Variants in ISM1 observed in about 807,000 individuals in gnomAD.
ISM1 encodes the protein isthmin 1, also known as isthmin-1.
A neutral mutation model predicts 46.3 loss-of-function variants in ISM1; 25 were observed. The ratio of observed to expected loss-of-function variants is 0.54; its 90% CI spans 0.39 to 0.75. ISM1 has a LOEUF of 0.75. ISM1 is among the 30% of genes least tolerant of loss of function. The pLI, the probability that ISM1 is intolerant of heterozygous loss-of-function variation, is 0.00. For synonymous variants in ISM1, 255 were observed against 256.7 expected (o/e 0.99, Z 0.06); for missense variants, 536 against 625.4 (o/e 0.86, Z 1.52).
In ISM1 at chr20:13,260,205, A is replaced by T. The variant is rs372926117; in HGVS notation, c.139-10299A>T. ...GAGCTTTCTCTTCACCTCTGGCCAT[A>T]TGTGGCCTATGACAGCTCTATAATT... On this transcript the variant is annotated intron_variant, in intron 1 of 5. Transcript: ENST00000262487. Among the ~76,000 whole-genome samples the T allele has an allele frequency of 2.2e-4, 33 of 152,334 alleles. 2 individuals are homozygous for T. The highest frequency in any genetic ancestry group is 7.2e-4 in the African/African-American group (30 of 41,580).
chr20:13,243,972 C>T (rs958267936), intron 1 of ISM1: 3 of 152,296 alleles, frequency 2.0e-5, no homozygotes, highest in Admixed American at 6.5e-5. Context: ...GACCTCAATG[C>T]TCATGGTATT....
intron 1 of ISM1, among the ~76,000 whole-genome samples, chr20:13,267,775 A>G (rs1471886192): frequency 6.6e-6 from 1 of 152,234 alleles, no homozygotes; most frequent in Non-Finnish European, 1.5e-5. Context: ...TAGTAGGAAG[A>G]GTACTCCATT....
chr20:13,292,500 T>A, intron 5 of ISM1, 37 bp downstream of exon 5: 2 of 1,296,472 alleles, frequency 1.5e-6, no homozygotes, highest in Non-Finnish European at 2.2e-6. Context: ...AATATTGACT[T>A]AGTGCCTCGG....
intron 1 of ISM1, among the ~76,000 whole-genome samples, chr20:13,251,255 AC>A (rs1003724806): frequency 4.6e-5 from 7 of 151,454 alleles, no homozygotes; most frequent in Admixed American, 2.0e-4. Flanking sequence ...ATTCCATCTC[AC>A]CCCCCTTCCA....
At chr20:13,264,719 T>C (rs1304602171) in intron 1 of ISM1, among the ~76,000 whole-genome samples, 1 of 152,190 alleles carries the variant, frequency 6.6e-6, no homozygotes, top group Non-Finnish European at 1.5e-5. Flanking sequence ...GATTGGACAT[T>C]CTTGGTGTTG....
At chr20:13,222,486 C>T (rs1350863228) in intron 1 of ISM1, among the ~76,000 whole-genome samples, 1 of 152,062 alleles carries the variant, frequency 6.6e-6, no homozygotes, top group Non-Finnish European at 1.5e-5. Context: ...GGGAGCCTCG[C>T]CTGAGGTTCC....
In ISM1 at chr20:13,268,022, C is replaced by T. The variant is rs147761843; in HGVS notation, c.139-2482C>T. ...AGGGTTGGAGATTAAGGGAAAAAAG[C>T]AAGGGAACAAATGCATTCAGCTATC... On this transcript the variant is annotated intron_variant, in intron 1 of 5. Transcript: ENST00000262487. Among the ~76,000 whole-genome samples, 46 of 152,304 alleles carry T rather than the reference C, an allele frequency of 3.0e-4. No homozygotes were observed. The East Asian group carries it at 8.9e-3, about 29-fold the overall frequency.
At chr20:13,269,967 A>G (rs5001951) in intron 1 of ISM1, among the ~76,000 whole-genome samples, 7 of 37,360 alleles carry the variant, frequency 1.9e-4, no homozygotes, top group East Asian at 1.8e-3. Context: ...ATGGATGGAT[A>G]GATGGATATG....
At chr20:13,307,034 GA>G in the ISM1 span, among the ~76,000 whole-genome samples, 1 of 152,156 alleles carries the variant, frequency 6.6e-6, no homozygotes, top group Non-Finnish European at 1.5e-5. Flanking sequence ...GAGGGAGAGA[GA>G]AAGAACAAAA....
chr20:13,233,013 C>T (rs1479582500), intron 1 of ISM1, among the ~76,000 whole-genome samples: 1 of 147,968 alleles, frequency 6.8e-6, no homozygotes, highest in East Asian at 2.0e-4. Flanking sequence ...AAAGAAAATT[C>T]GATGCTGGAC....
chr20:13,228,900 G>T (rs1260783087), intron 1 of ISM1, among the ~76,000 whole-genome samples: 2 of 152,030 alleles, frequency 1.3e-5, no homozygotes, highest in African/African-American at 4.8e-5. Flanking sequence ...TTCAACCCCA[G>T]TGTCTTGTTT....
At chr20:13,309,663 G>T in the ISM1 span, among the ~76,000 whole-genome samples, 1 of 152,170 alleles carries the variant, frequency 6.6e-6, no homozygotes, top group Admixed American at 6.5e-5. Context: ...ATTTATCTCT[G>T]TTTGCAGATG....
chr20:13,258,619 C>G (rs1257877455), intron 1 of ISM1, among the ~76,000 whole-genome samples: 3 of 152,098 alleles, frequency 2.0e-5, no homozygotes, highest in African/African-American at 7.2e-5. Context: ...AAGAAAGCCT[C>G]TGAGAACTTG....
intron 1 of ISM1, among the ~76,000 whole-genome samples, chr20:13,266,380 T>G (rs2040043370): frequency 6.6e-6 from 1 of 152,138 alleles, no homozygotes; most frequent in South Asian, 2.1e-4. Context: ...ATTTGACCAA[T>G]GAAGATCACC....
At chr20:13,317,685 G>A in the ISM1 span, among the ~76,000 whole-genome samples, 18,527 of 152,072 alleles carry the variant, frequency 0.12, 1,253 homozygotes, top group Admixed American at 0.18. Context: ...AGACAACACA[G>A]TGGAGAAAGG....
chr20:13,252,786 A>G (rs1406922575), intron 1 of ISM1, among the ~76,000 whole-genome samples: 1 of 151,992 alleles, frequency 6.6e-6, no homozygotes, highest in African/African-American at 2.4e-5. Context: ...TCTTAAAACC[A>G]TGATGATAGT....
chr20:13,257,639 C>T (rs531344432), intron 1 of ISM1, among the ~76,000 whole-genome samples: 3 of 151,998 alleles, frequency 2.0e-5, no homozygotes, highest in Admixed American at 2.0e-4. Context: ...ACCTGATTAA[C>T]CCTAAAAAGT....
At chr20:13,264,888 A>C (rs1170678854) in intron 1 of ISM1, among the ~76,000 whole-genome samples, 1 of 152,160 alleles carries the variant, frequency 6.6e-6, no homozygotes, top group Non-Finnish European at 1.5e-5. Context: ...GATGAGAATG[A>C]GGAAGGAGGG....
chr20:13,231,558 A>G (rs1243295091), intron 1 of ISM1, among the ~76,000 whole-genome samples: 1 of 152,196 alleles, frequency 6.6e-6, no homozygotes, highest in African/African-American at 2.4e-5. Context: ...CTCCCTGAGC[A>G]CAGACCAGCA....
Sources: gnomAD v4.1 joint callset for allele counts (sites outside exome capture counted in the v4.1 genomes callset) on GRCh38, gnomAD v4.1.1 for gene constraint, MANE v1.5 for transcripts, NCBI Gene and HGNC (gene_info 2026-07-23, HGNC 2026-07-21) for gene names.